Variants in COL26A1 observed in about 807,000 individuals in gnomAD.
COL26A1 encodes the protein collagen type XXVI alpha 1 chain, also known as collagen alpha-1(XXVI) chain.
COL26A1 carries 41 observed loss-of-function variants against 59.3 expected under a neutral mutation model. The observed-to-expected ratio is 0.69, with a 90% confidence interval of 0.54 to 0.90. The LOEUF is 0.90. Among genes scored for constraint, COL26A1 ranks in the 40% least tolerant of loss-of-function variants. The pLI, the probability that COL26A1 is intolerant of heterozygous loss-of-function variation, is 0.00. For synonymous variants in COL26A1, 266 were observed against 256.0 expected (o/e 1.04, Z -0.37); for missense variants, 612 against 602.3 (o/e 1.02, Z -0.17).
intron 1 of COL26A1, among the ~76,000 whole-genome samples, chr7:101,410,687 G>GTA: frequency 8.4e-5 from 1 of 11,896 alleles, no homozygotes; most frequent in South Asian, 5.1e-3. Context: ...GCTAATTTTG[G>GTA]TGTGTGTGTG....
rs1286550578 is a variant in COL26A1, at chr7:101,557,449, C to T, written c.1245C>T (p.Ala415=). Residue 415 remains alanine, a synonymous_variant, in exon 13 of 13, where the codon GCC becomes GCT. Coordinates refer to ENST00000313669, the MANE Select transcript of COL26A1 (RefSeq NM_001278563.3). ...RANLKMKRGG[A]QPDGVLAALL... ...ACCTCAAGATGAAGAGGGGTGGCGC[C>T]CAACCCGATGGGGTCCTTGCTGCCC... The T allele has an allele frequency of 1.2e-6, 2 of 1,613,598 alleles. No homozygotes were observed. Among genetic ancestry groups the T allele is most frequent in the South Asian group, 1.1e-5 (1 of 90,938 alleles).
chr7:101,470,164 G>T (rs2130457866), intron 3 of COL26A1, among the ~76,000 whole-genome samples: 1 of 151,340 alleles, frequency 6.6e-6, no homozygotes, highest in Non-Finnish European at 1.5e-5. Context: ...GAGTGCAGTG[G>T]TTCGATCTCA....
intron 1 of COL26A1, among the ~76,000 whole-genome samples, chr7:101,387,166 C>CT (rs1231860196): frequency 2.0e-5 from 3 of 152,132 alleles, no homozygotes; most frequent in Non-Finnish European, 4.4e-5. Context: ...CAAGCTGACA[C>CT]TCCCAAGAGC....
At chr7:101,514,310 C>T (rs926173014) in intron 3 of COL26A1, among the ~76,000 whole-genome samples, 1 of 151,912 alleles carries the variant, frequency 6.6e-6, no homozygotes, top group African/African-American at 2.4e-5. Context: ...TGCACTCCAG[C>T]CTGGGTGACA....
At chr7:101,407,288 C>T (rs1339988876) in intron 1 of COL26A1, among the ~76,000 whole-genome samples, 1 of 152,202 alleles carries the variant, frequency 6.6e-6, no homozygotes, top group Non-Finnish European at 1.5e-5. Flanking sequence ...GGGCAGAAAG[C>T]TGGCTGCCTT....
chr7:101,486,512 C>T (rs71559414), intron 3 of COL26A1, among the ~76,000 whole-genome samples: 3 of 152,210 alleles, frequency 2.0e-5, no homozygotes, highest in Non-Finnish European at 2.9e-5. Flanking sequence ...AGACAGCCCT[C>T]ACCCGCCCGC....
intron 1 of COL26A1, among the ~76,000 whole-genome samples, chr7:101,387,028 G>C (rs1027808762): frequency 6.6e-6 from 1 of 152,152 alleles, no homozygotes; most frequent in Non-Finnish European, 1.5e-5. Context: ...CGCACACCAG[G>C]AAACGCGCCT....
chr7:101,400,353 ATTTTTTTTT>A (rs574852983), intron 1 of COL26A1, among the ~76,000 whole-genome samples: 9,591 of 96,750 alleles, frequency 0.099, 472 homozygotes, highest in African/African-American at 0.24. Flanking sequence ...TTTTTTTCCT[ATTTTTTTTT>A]TTTTTTTTTT....
intron 1 of COL26A1, among the ~76,000 whole-genome samples, chr7:101,389,545 A>AT (rs937557900): frequency 1.3e-4 from 20 of 151,270 alleles, no homozygotes; most frequent in African/African-American, 2.7e-4. Context: ...ATGTCCAGCT[A>AT]TTTTTTTTGT....
chr7:101,433,604 TG>T (rs1187273324), intron 2 of COL26A1, among the ~76,000 whole-genome samples: 3 of 152,036 alleles, frequency 2.0e-5, no homozygotes, highest in African/African-American at 7.2e-5. Context: ...ATGCAGTTTT[TG>T]GGCAGTGATG....
At chr7:101,407,638 G>A (rs1792158213) in intron 1 of COL26A1, among the ~76,000 whole-genome samples, 1 of 151,840 alleles carries the variant, frequency 6.6e-6, no homozygotes, top group Non-Finnish European at 1.5e-5. Context: ...GATGGGATTT[G>A]ACTCTGGAGG....
Position 101,557,758 on chromosome 7 carries a change from C to T in COL26A1, c.*228C>T. ...GCCTGTCCCCTCCCCTACCCCCACT[C>T]CCGGCTGGAGACGGGGTCTGGGTGG... On this transcript the variant is annotated 3_prime_UTR_variant, in exon 13 of 13. Transcript: ENST00000313669. 1 of 468,984 alleles carries T rather than the reference C, an allele frequency of 2.1e-6. No individual in the cohort carries two copies. Among genetic ancestry groups the T allele is most frequent in the East Asian group, 3.2e-5 (1 of 31,012 alleles). 29.1% of individuals were successfully genotyped at this position (468,984 alleles called of 1,614,324 possible). A position where few individuals can be genotyped will look rare whatever the true frequency, so the allele number is the denominator to read the frequency against.
chr7:101,438,034 G>T (rs187659583), intron 2 of COL26A1, among the ~76,000 whole-genome samples: 4 of 143,862 alleles, frequency 2.8e-5, no homozygotes, highest in Admixed American at 2.8e-4. Flanking sequence ...TTGAAGAAAA[G>T]CTAGGAGAGG....
At chr7:101,378,326 T>A (rs1791366439) in intron 1 of COL26A1, among the ~76,000 whole-genome samples, 1 of 152,160 alleles carries the variant, frequency 6.6e-6, no homozygotes, top group African/African-American at 2.4e-5. Flanking sequence ...ACTTAGTTTT[T>A]TACTCAAACC....
intron 7 of COL26A1, among the ~76,000 whole-genome samples, chr7:101,546,267 G>A (rs915497701): frequency 3.3e-5 from 5 of 152,076 alleles, no homozygotes; most frequent in African/African-American, 9.7e-5. Flanking sequence ...TTGACATAGG[G>A]TCTGTTGCCC....
chr7:101,538,892 C>T (rs1795541385), intron 4 of COL26A1, among the ~76,000 whole-genome samples: 1 of 152,192 alleles, frequency 6.6e-6, no homozygotes, highest in Non-Finnish European at 1.5e-5. Flanking sequence ...TCAGCTCAGC[C>T]CAGCAGGTCC....
At chr7:101,517,899 G>A (rs1321820536) in intron 3 of COL26A1, among the ~76,000 whole-genome samples, 1 of 137,890 alleles carries the variant, frequency 7.3e-6, no homozygotes, top group Non-Finnish European at 1.5e-5. Flanking sequence ...CTACAGCTTC[G>A]AACTCCTGGA....
At chr7:101,489,643 T>TTCTG (rs1794346789) in intron 3 of COL26A1, among the ~76,000 whole-genome samples, 1 of 72,578 alleles carries the variant, frequency 1.4e-5, no homozygotes, top group African/African-American at 1.2e-4. Flanking sequence ...CTTTCTTTCT[T>TTCTG]TCTTTCTTTC....
At chr7:101,499,916 T>C (rs905749450) in intron 3 of COL26A1, among the ~76,000 whole-genome samples, 4 of 150,950 alleles carry the variant, frequency 2.6e-5, no homozygotes, top group Non-Finnish European at 1.5e-5. Flanking sequence ...TATGGTTTCC[T>C]GTGCTCCCTT....
Sources: gnomAD v4.1 joint callset for allele counts (sites outside exome capture counted in the v4.1 genomes callset) on GRCh38, gnomAD v4.1.1 for gene constraint, MANE v1.5 for transcripts, NCBI Gene and HGNC (gene_info 2026-07-23, HGNC 2026-07-21) for gene names.